VAPA: variants seen among roughly 807,000 people sequenced by gnomAD.
VAPA encodes vesicle-associated membrane protein-associated protein A.
VAPA carries 6 observed loss-of-function variants against 25.6 expected under a neutral mutation model. The ratio of observed to expected loss-of-function variants is 0.23; its 90% CI spans 0.13 to 0.46. VAPA has a LOEUF of 0.46. Ranked by LOEUF, VAPA falls within the 20% of genes least tolerant of loss-of-function variation. The pLI is 0.99. For missense variants in VAPA, 244 were observed against 302.1 expected (o/e 0.81, Z 1.43); for synonymous variants, 112 against 106.2 (o/e 1.05, Z -0.34).
rs2069551357 is a variant in VAPA at position 9,956,420 on chromosome 18, C to G, written c.*2209C>G. On this transcript the variant is annotated 3_prime_UTR_variant, in exon 6 of 6. Coordinates refer to ENST00000400000, the MANE Select transcript of VAPA (RefSeq NM_194434.3). ...TATAGTGTTTAGGCTAGAAATGCCT[C>G]CCACATTGGTAATAAACATTACAAA... 6.6e-6 allele frequency: 1 copy of G among 152,284 alleles called. No homozygotes were observed. The highest frequency in any genetic ancestry group is 2.1e-4 in the South Asian group (1 of 4,830). The allele number at this position is 152,284 out of a possible 1,614,324, so 9.4% of individuals were successfully genotyped here.
intron 1 of VAPA, among the ~76,000 whole-genome samples, chr18:9,919,564 T>C (rs192197816): frequency 6.6e-6 from 1 of 152,224 alleles, no homozygotes; most frequent in Non-Finnish European, 1.5e-5. Flanking sequence ...CTGTCACAGT[T>C]GAACTAAGAT....
intron 2 of VAPA, among the ~76,000 whole-genome samples, chr18:9,935,859 TAGAA>T (rs769625322): frequency 3.3e-5 from 5 of 152,232 alleles, no homozygotes; most frequent in South Asian, 4.1e-4. Context: ...CTTAGTAAAT[TAGAA>T]AGACAGACAA....
chr18:9,916,743 A>G (rs962728660), intron 1 of VAPA, among the ~76,000 whole-genome samples: 2 of 152,224 alleles, frequency 1.3e-5, no homozygotes, highest in African/African-American at 4.8e-5. Flanking sequence ...GAAAAAAATC[A>G]TTTAACTGAC....
chr18:9,932,210 A>G (rs567578409), intron 2 of VAPA, among the ~76,000 whole-genome samples: 3 of 152,362 alleles, frequency 2.0e-5, no homozygotes, highest in South Asian at 4.1e-4. Flanking sequence ...CTTTATTTCT[A>G]CAGCTAACCA....
At chr18:9,950,855 G>T in intron 5 of VAPA, 1 of 360,378 alleles carries the variant, frequency 2.8e-6, no homozygotes, top group Non-Finnish European at 5.2e-6. Flanking sequence ...TTGTGCCCTA[G>T]TCATACTGAA....
intron 1 of VAPA, among the ~76,000 whole-genome samples, chr18:9,915,512 C>A (rs1288801642): frequency 6.6e-6 from 1 of 151,812 alleles, no homozygotes; most frequent in East Asian, 1.9e-4. Context: ...TCCTTCCTAT[C>A]TTTAGTTAAG....
chr18:9,927,736 T>G (rs538627421), intron 1 of VAPA, among the ~76,000 whole-genome samples: 1 of 152,116 alleles, frequency 6.6e-6, no homozygotes, highest in Non-Finnish European at 1.5e-5. Context: ...GGCTCTAAGT[T>G]TTTTTAAAAC....
intron 4 of VAPA, among the ~76,000 whole-genome samples, chr18:9,945,250 T>C (rs2069409813): frequency 6.6e-6 from 1 of 151,896 alleles, no homozygotes; most frequent in African/African-American, 2.4e-5. Flanking sequence ...TCTAAAAAAC[T>C]TCTGAACTTA....
chr18:9,939,311 A>G (rs1448172095), intron 4 of VAPA, among the ~76,000 whole-genome samples: 1 of 151,428 alleles, frequency 6.6e-6, no homozygotes. Flanking sequence ...AGCTGGGATT[A>G]CAGGTGCACG....
intron 4 of VAPA, among the ~76,000 whole-genome samples, chr18:9,946,585 C>T (rs1427090997): frequency 6.6e-6 from 1 of 151,484 alleles, no homozygotes; most frequent in Non-Finnish European, 1.5e-5. Context: ...AGATTGGACA[C>T]CCGTGACTAT....
Position 9,954,224 on chromosome 18 carries a change from A to G in VAPA, c.*13A>G, listed in dbSNP as rs1043186902. 1.9e-6 allele frequency: 3 copies of G among 1,580,806 alleles called. No individual in the cohort carries two copies. The highest frequency in any genetic ancestry group is 2.6e-6 in the Non-Finnish European group (3 of 1,169,062). On this transcript the variant is annotated 3_prime_UTR_variant, in exon 6 of 6. Coordinates refer to ENST00000400000, the MANE Select transcript of VAPA (RefSeq NM_194434.3). ...ATTCATCTTGTAGAGTGAAGCATGC[A>G]GAGTGCTGTTTCTTTTTTTTTTTTT...
In VAPA at chr18:9,956,096, T is replaced by C. The variant is rs1196556079; in HGVS notation, c.*1885T>C. ...TCTTGAAAATTTAGCCAAATCCCGT[T>C]TTATGGGAATGCTCTTTAGAATTCA... On this transcript the variant is annotated 3_prime_UTR_variant, in exon 6 of 6. Transcript: ENST00000400000. 6.6e-6 allele frequency: 1 copy of C among 152,184 alleles called. No individual in the cohort carries two copies. Among genetic ancestry groups the C allele is most frequent in the African/African-American group, 2.4e-5 (1 of 41,448 alleles). 9.4% of individuals were successfully genotyped at this position (152,184 alleles called of 1,614,324 possible).
intron 1 of VAPA, among the ~76,000 whole-genome samples, chr18:9,929,455 C>A (rs1009848476): frequency 1.3e-5 from 2 of 152,116 alleles, no homozygotes; most frequent in African/African-American, 4.8e-5. Flanking sequence ...GGTGGGGGTA[C>A]ATGATACAAC....
At chr18:9,927,280 A>T in intron 1 of VAPA, among the ~76,000 whole-genome samples, 1 of 152,236 alleles carries the variant, frequency 6.6e-6, no homozygotes, top group Middle Eastern at 3.4e-3. Flanking sequence ...ATGAGTGTTT[A>T]TATAATTATC....
intron 1 of VAPA, chr18:9,914,558 C>T (rs1247956513): frequency 2.2e-5 from 5 of 227,106 alleles, no homozygotes; most frequent in African/African-American, 4.7e-5. Context: ...CGCTGCGGTG[C>T]GCGCGCCGGC....
intron 2 of VAPA, among the ~76,000 whole-genome samples, chr18:9,934,338 A>G (rs2069286825): frequency 6.6e-6 from 1 of 152,254 alleles, no homozygotes; most frequent in Non-Finnish European, 1.5e-5. Flanking sequence ...TATAACTCCT[A>G]TAAACTTAAC....
intron 4 of VAPA, among the ~76,000 whole-genome samples, chr18:9,943,368 G>C (rs796383165): frequency 8.6e-5 from 13 of 151,702 alleles, no homozygotes; most frequent in African/African-American, 3.2e-4. Flanking sequence ...ATTTTTTCCT[G>C]GATAACAAGC....
Position 9,956,218 on chromosome 18 carries a change from C to T in VAPA, c.*2007C>T, listed in dbSNP as rs2069548982. 6.6e-6 allele frequency: 1 copy of T among 152,136 alleles called. No homozygotes were observed. Among genetic ancestry groups the T allele is most frequent in the African/African-American group, 2.4e-5 (1 of 41,430 alleles). The allele number at this position is 152,136 out of a possible 1,614,324, so 9.4% of individuals were successfully genotyped here. Reference sequence around the variant, plus strand: ...GTCTCACAGGTAGGTAGAGGCAGAGCTGGAACTAGATATCTGGTCTGTTGA... The same window carrying T: ...GTCTCACAGGTAGGTAGAGGCAGAGTTGGAACTAGATATCTGGTCTGTTGA... On this transcript the variant is annotated 3_prime_UTR_variant, in exon 6 of 6. Transcript: ENST00000400000.
chr18:9,914,470 T>G, intron 1 of VAPA, 135 bp downstream of exon 1: 4 of 692,026 alleles, frequency 5.8e-6, no homozygotes, highest in East Asian at 3.8e-5. Context: ...CGCCTTCCCT[T>G]TCCCGGCTGC....
Sources: gnomAD v4.1 joint callset for allele counts (sites outside exome capture counted in the v4.1 genomes callset) on GRCh38, gnomAD v4.1.1 for gene constraint, MANE v1.5 for transcripts, NCBI Gene and HGNC (gene_info 2026-07-23, HGNC 2026-07-21) for gene names.